LINGO2: variants seen among roughly 807,000 people sequenced by gnomAD.
LINGO2 encodes leucine-rich repeat and immunoglobulin-like domain-containing nogo receptor-interacting protein 2.
A neutral mutation model predicts 30.6 loss-of-function variants in LINGO2; 14 were observed. That is an observed-to-expected ratio of 0.46 (90% CI 0.30 to 0.72). The LOEUF (loss-of-function observed/expected upper bound fraction) is 0.72. LINGO2 is among the 30% of genes least tolerant of loss of function. The pLI is 0.07. For synonymous variants in LINGO2, 317 were observed against 288.5 expected, an observed-to-expected ratio of 1.10 and a Z score of -1.00; for missense variants, 729 against 751.7, an observed-to-expected ratio of 0.97 and a Z score of 0.35.
chr9:28,294,216 T>G lies in LINGO2; in HGVS notation c.-87+992A>C, dbSNP rs561299727. Among the ~76,000 whole-genome samples, 15 of 152,320 alleles carry G rather than the reference T, an allele frequency of 9.8e-5. No homozygotes were observed. The South Asian group carries it at 3.1e-3, about 32-fold the overall frequency. On this transcript the variant is annotated intron_variant, in intron 4 of 5. Transcript: ENST00000379992. The stretch of plus-strand genomic sequence containing the variant: ...GAAGTCTTTATTTATATCCAAATAA[T>G]TATGTCAGGCTATAATTTACTGACT...
the LINGO2 span, among the ~76,000 whole-genome samples, chr9:28,990,732 T>C: frequency 7.2e-6 from 1 of 139,660 alleles, no homozygotes; most frequent in Non-Finnish European, 1.6e-5. Context: ...CCACTGCTGA[T>C]ACCCAGGCTA....
chr9:28,803,060 A>T, the LINGO2 span, among the ~76,000 whole-genome samples: 1 of 152,178 alleles, frequency 6.6e-6, no homozygotes, highest in Non-Finnish European at 1.5e-5. Context: ...TCACCAGTTC[A>T]ACTAAGATCT....
chr9:28,767,173 C>A, the LINGO2 span, among the ~76,000 whole-genome samples: 2 of 152,030 alleles, frequency 1.3e-5, no homozygotes, highest in Admixed American at 6.5e-5. Flanking sequence ...TGATGTACAG[C>A]ATGATGAGTA....
chr9:28,342,634 T>G (rs576331353), intron 3 of LINGO2, among the ~76,000 whole-genome samples: 2 of 152,242 alleles, frequency 1.3e-5, no homozygotes, highest in East Asian at 1.9e-4. Flanking sequence ...TTCCATCATG[T>G]AATAACCTCA....
chr9:28,616,519 T>G (rs1826137945), intron 1 of LINGO2, among the ~76,000 whole-genome samples: 1 of 152,206 alleles, frequency 6.6e-6, no homozygotes, highest in African/African-American at 2.4e-5. Context: ...CATAATGCAT[T>G]ATTAAAATTG....
chr9:28,086,314 A>G (rs927668156), intron 4 of LINGO2, among the ~76,000 whole-genome samples: 1 of 152,114 alleles, frequency 6.6e-6, no homozygotes, highest in African/African-American at 2.4e-5. Flanking sequence ...AAAATGATAC[A>G]ACTCAGAAAC....
chr9:28,784,224 A>C, the LINGO2 span, among the ~76,000 whole-genome samples: 1 of 152,186 alleles, frequency 6.6e-6, no homozygotes, highest in African/African-American at 2.4e-5. Flanking sequence ...TATTTTGTTA[A>C]TTCATACAAA....
chr9:29,176,076 CAG>C, the LINGO2 span, among the ~76,000 whole-genome samples: 1 of 152,220 alleles, frequency 6.6e-6, no homozygotes, highest in Admixed American at 6.5e-5. Context: ...GTGTGAGAGA[CAG>C]ATATTTACTG....
the LINGO2 span, among the ~76,000 whole-genome samples, chr9:29,110,362 T>C: frequency 6.6e-6 from 1 of 152,198 alleles, no homozygotes; most frequent in African/African-American, 2.4e-5. Context: ...AGACGGAGTC[T>C]TGCTCCGTCG....
chr9:28,829,502 G>T, the LINGO2 span, among the ~76,000 whole-genome samples: 1 of 152,160 alleles, frequency 6.6e-6, no homozygotes, highest in Admixed American at 6.5e-5. Context: ...TGGCTTCAGG[G>T]GATAACATGG....
the LINGO2 span, among the ~76,000 whole-genome samples, chr9:28,980,631 C>T: frequency 5.9e-5 from 9 of 152,044 alleles, no homozygotes; most frequent in Admixed American, 3.3e-4. Context: ...CTGGACTGCT[C>T]CCGCCATCTC....
chr9:29,004,223 TTC>T, the LINGO2 span, among the ~76,000 whole-genome samples: 4 of 152,114 alleles, frequency 2.6e-5, no homozygotes, highest in East Asian at 3.9e-4. Context: ...TATGTGATAT[TTC>T]TCTCTCTCTT....
intron 1 of LINGO2, among the ~76,000 whole-genome samples, chr9:28,603,640 T>G (rs1290335816): frequency 6.6e-6 from 1 of 152,072 alleles, no homozygotes. Context: ...AGCTGTCTCC[T>G]TTGGGAAAAA....
intron 4 of LINGO2, among the ~76,000 whole-genome samples, chr9:28,015,631 A>T (rs1822791355): frequency 6.6e-6 from 1 of 152,154 alleles, no homozygotes; most frequent in Non-Finnish European, 1.5e-5. Context: ...AAAGAATCAC[A>T]ACTAATGTCC....
chr9:28,661,384 G>C (rs1191625362), intron 1 of LINGO2, among the ~76,000 whole-genome samples: 1 of 152,096 alleles, frequency 6.6e-6, no homozygotes, highest in Non-Finnish European at 1.5e-5. Context: ...CTTCATGTGA[G>C]TAAGTGAGCT....
chr9:28,476,298 C>T (rs1297607564), intron 1 of LINGO2, among the ~76,000 whole-genome samples: 6 of 152,082 alleles, frequency 3.9e-5, no homozygotes, highest in African/African-American at 1.2e-4. Context: ...TATTTTGAGA[C>T]GGAGTCTCGC....
chr9:28,998,700 A>G, the LINGO2 span, among the ~76,000 whole-genome samples: 1 of 152,074 alleles, frequency 6.6e-6, no homozygotes, highest in Admixed American at 6.6e-5. Flanking sequence ...GGAAAAGAGA[A>G]CTCAACATGA....
chr9:28,634,648 G>A (rs1464066418), intron 1 of LINGO2, among the ~76,000 whole-genome samples: 3 of 151,776 alleles, frequency 2.0e-5, no homozygotes, highest in Admixed American at 6.6e-5. Context: ...AGCACACCTG[G>A]CTAACTTTTG....
rs1050386579 is a variant in LINGO2 at position 27,950,826 on chromosome 9, A to T, written c.-35-120T>A. On this transcript the variant is annotated intron_variant, in intron 5 of 5. Transcript: ENST00000379992. Reference sequence around the variant, plus strand: ...GGATACTGGATTTGGAATCAATCAGATTTGGGCATAAACCTGATGGACGAC... The same window carrying T: ...GGATACTGGATTTGGAATCAATCAGTTTTGGGCATAAACCTGATGGACGAC... 1.0e-5 allele frequency: 5 copies of T among 483,044 alleles called. No individual in the cohort carries two copies. In the Admixed American group the frequency reaches 2.0e-4, roughly 19 times the overall value. The allele number at this position is 483,044 out of a possible 1,614,324, so 29.9% of individuals were successfully genotyped here.
Sources: allele counts gnomAD v4.1 joint callset (sites outside exome capture counted in the v4.1 genomes callset), GRCh38; gene constraint gnomAD v4.1.1; transcripts MANE v1.5; gene names NCBI Gene and HGNC (gene_info 2026-07-23, HGNC 2026-07-21).